The following RBMS3 variants were observed in gnomAD, a reference collection of about 807,000 sequenced individuals.
The protein encoded by RBMS3 is RNA binding motif single stranded interacting protein 3.
A neutral mutation model predicts 66.8 loss-of-function variants in RBMS3; 27 were observed. The observed-to-expected ratio is 0.40, with a 90% CI of 0.30 to 0.56. The LOEUF is 0.56. RBMS3 is among the 20% of genes least tolerant of loss of function. The pLI is 0.40. For synonymous variants in RBMS3, 188 were observed against 183.0 expected, an observed-to-expected ratio of 1.03 and a Z score of -0.22; for missense variants, 513 against 549.5, an observed-to-expected ratio of 0.93 and a Z score of 0.66.
chr3:29,312,266 T>G (rs1356092095), intron 1 of RBMS3, among the ~76,000 whole-genome samples: 1 of 139,986 alleles, frequency 7.1e-6, no homozygotes, highest in Non-Finnish European at 1.6e-5. Context: ...ACACAGCCAG[T>G]TATTTTTTTC....
intron 6 of RBMS3, among the ~76,000 whole-genome samples, chr3:29,849,868 T>C (rs895531270): frequency 2.6e-5 from 4 of 152,158 alleles, no homozygotes; most frequent in African/African-American, 9.7e-5. Context: ...GTTTTAGGAG[T>C]ATCAGCTCAG....
At chr3:29,612,542 G>A (rs2048527820) in intron 4 of RBMS3, among the ~76,000 whole-genome samples, 2 of 151,998 alleles carry the variant, frequency 1.3e-5, no homozygotes, top group African/African-American at 4.8e-5. Context: ...AAGGGAATAT[G>A]CCTTTACATT....
At chr3:29,489,459 T>G (rs2043445793) in intron 3 of RBMS3, among the ~76,000 whole-genome samples, 1 of 151,932 alleles carries the variant, frequency 6.6e-6, no homozygotes, top group African/African-American at 2.4e-5. Flanking sequence ...CATGATTTCT[T>G]CCACCTCATA....
chr3:29,675,382 TA>T (rs1378810713), intron 4 of RBMS3, among the ~76,000 whole-genome samples: 1 of 152,046 alleles, frequency 6.6e-6, no homozygotes, highest in Non-Finnish European at 1.5e-5. Context: ...ACTTCATGTC[TA>T]AAACACCAAA....
At chr3:29,669,019 T>A (rs993988560) in intron 4 of RBMS3, among the ~76,000 whole-genome samples, 1 of 152,206 alleles carries the variant, frequency 6.6e-6, no homozygotes, top group South Asian at 2.1e-4. Flanking sequence ...AGTGTTGGTT[T>A]CTTCTGGCTC....
chr3:29,741,267 T>A, intron 5 of RBMS3, among the ~76,000 whole-genome samples: 1 of 152,304 alleles, frequency 6.6e-6, no homozygotes, highest in East Asian at 1.9e-4. Flanking sequence ...ATAAACAGAA[T>A]GAAGAAAATC....
Position 29,504,960 on chromosome 3 carries a change from C to G in RBMS3, c.307+16461C>G, listed in dbSNP as rs937273769. ...GGATATTGAATTGATATATGTTAAC[C>G]CCTTATTAGATCTATGGTTTGCAAA... is the stretch of plus-strand genomic sequence containing the variant. On this transcript the variant is annotated intron_variant, in intron 3 of 14. Coordinates refer to ENST00000383767, the MANE Select transcript of RBMS3 (RefSeq NM_001003793.3). 2.0e-5 allele frequency among the ~76,000 whole-genome samples: 3 copies of G among 151,946 alleles called. No individual in the cohort carries two copies. The South Asian group carries it at 6.2e-4, about 32-fold the overall frequency.
At chr3:29,817,960 AT>A (rs2057961614) in intron 6 of RBMS3, among the ~76,000 whole-genome samples, 2 of 152,150 alleles carry the variant, frequency 1.3e-5, no homozygotes, top group African/African-American at 4.8e-5. Flanking sequence ...GCCACCTGCT[AT>A]ATGCTATACT....
At chr3:29,584,591 T>C (rs879668983) in intron 3 of RBMS3, among the ~76,000 whole-genome samples, 17 of 152,164 alleles carry the variant, frequency 1.1e-4, no homozygotes, top group Admixed American at 3.9e-4. Flanking sequence ...TGGTTCTTCC[T>C]TGAGTCTTCC....
intron 1 of RBMS3, among the ~76,000 whole-genome samples, chr3:29,300,828 G>C (rs149625545): frequency 1.3e-5 from 2 of 152,096 alleles, no homozygotes; most frequent in Non-Finnish European, 2.9e-5. Flanking sequence ...GCCATTGCAA[G>C]TTGGTTAGTA....
chr3:29,979,037 C>T (rs565931571), intron 12 of RBMS3, among the ~76,000 whole-genome samples: 24 of 151,946 alleles, frequency 1.6e-4, no homozygotes, highest in African/African-American at 5.1e-4. Context: ...GAGGGTGAGG[C>T]GGGAGGATCA....
intron 4 of RBMS3, chr3:29,641,266 GT>G (rs1204262907): frequency 2.0e-5 from 3 of 151,798 alleles, no homozygotes; most frequent in African/African-American, 7.3e-5. Flanking sequence ...ATTATTTTCA[GT>G]GGCCACATGC....
At chr3:29,389,824 C>T (rs754323565) in intron 1 of RBMS3, among the ~76,000 whole-genome samples, 8 of 152,036 alleles carry the variant, frequency 5.3e-5, no homozygotes, top group Non-Finnish European at 8.8e-5. Flanking sequence ...TAAGGCTCTG[C>T]TGTTTGAGGA....
chr3:29,425,513 C>T (rs1438826088), intron 1 of RBMS3, among the ~76,000 whole-genome samples: 1 of 151,808 alleles, frequency 6.6e-6, no homozygotes. Context: ...TGGACTGCAC[C>T]TATAATCCCA....
chr3:29,378,199 A>T (rs924316964), intron 1 of RBMS3, among the ~76,000 whole-genome samples: 2 of 152,100 alleles, frequency 1.3e-5, no homozygotes, highest in Non-Finnish European at 2.9e-5. Flanking sequence ...CAGGCCGGGC[A>T]CGGTGGCTCA....
chr3:29,940,357 G>T (rs1169464271), intron 11 of RBMS3, among the ~76,000 whole-genome samples: 1 of 151,854 alleles, frequency 6.6e-6, no homozygotes, highest in East Asian at 1.9e-4. Flanking sequence ...GCAAAACAAG[G>T]TGTGAACAGT....
At chr3:29,692,229 GC>G (rs2052057611) in intron 4 of RBMS3, among the ~76,000 whole-genome samples, 1 of 151,896 alleles carries the variant, frequency 6.6e-6, no homozygotes, top group Non-Finnish European at 1.5e-5. Context: ...TGATCCACCT[GC>G]CTTGGCCTCC....
intron 4 of RBMS3, among the ~76,000 whole-genome samples, chr3:29,592,919 A>G (rs945205934): frequency 2.0e-5 from 3 of 149,674 alleles, no homozygotes; most frequent in Admixed American, 6.7e-5. Context: ...CAAAAAACCA[A>G]ACACCGCATG....
chr3:29,498,505 A>G (rs1174408424), intron 3 of RBMS3, among the ~76,000 whole-genome samples: 1 of 152,218 alleles, frequency 6.6e-6, no homozygotes, highest in Non-Finnish European at 1.5e-5. Flanking sequence ...AAATTTATGT[A>G]AACTTGTAAT....
Sources: gnomAD v4.1 joint callset for allele counts (sites outside exome capture counted in the v4.1 genomes callset) on GRCh38, gnomAD v4.1.1 for gene constraint, MANE v1.5 for transcripts, NCBI Gene and HGNC (gene_info 2026-07-23, HGNC 2026-07-21) for gene names.